The following ERGIC2 variants were observed in gnomAD, a reference collection of about 807,000 sequenced individuals.
The protein encoded by ERGIC2 is endoplasmic reticulum-Golgi intermediate compartment protein 2.
In ERGIC2, 31 loss-of-function variants were observed where a neutral mutation model predicts 52.5. The observed-to-expected ratio is 0.59, with a 90% CI of 0.44 to 0.80. The LOEUF is 0.80. Among genes scored for constraint, ERGIC2 ranks in the 30% least tolerant of loss-of-function variants. The pLI is 0.00. For missense variants in ERGIC2, 395 were observed against 455.2 expected, an observed-to-expected ratio of 0.87 and a Z score of 1.20; for synonymous variants, 129 against 140.6, an observed-to-expected ratio of 0.92 and a Z score of 0.58.
intron 6 of ERGIC2, 137 bp downstream of exon 6, chr12:29,361,508 A>G: frequency 1.9e-6 from 1 of 515,866 alleles, no homozygotes; most frequent in Non-Finnish European, 3.3e-6. Context: ...AATTGTAAGG[A>G]TTATATTATA....
At chr12:29,363,211 T>G (rs1445032056) in intron 5 of ERGIC2, among the ~76,000 whole-genome samples, 1 of 152,146 alleles carries the variant, frequency 6.6e-6, no homozygotes, top group African/African-American at 2.4e-5. Context: ...TTTCCCACCT[T>G]TTAAAAATTC....
In ERGIC2 at chr12:29,340,726, A is replaced by C. The variant is rs1199466955; in HGVS notation, c.*430T>G. Reference sequence around the variant, plus strand: ...TAGACTAGTTTTCCGTATGTTTTCCACATTTTATTCTGACATCATATCTTT... The same window carrying C: ...TAGACTAGTTTTCCGTATGTTTTCCCCATTTTATTCTGACATCATATCTTT... On this transcript the variant is annotated 3_prime_UTR_variant, in exon 14 of 14. Coordinates refer to ENST00000360150, the MANE Select transcript of ERGIC2 (RefSeq NM_016570.3). 1 of 375,868 alleles carries C rather than the reference A, an allele frequency of 2.7e-6. No homozygotes were observed. Among genetic ancestry groups the C allele is most frequent in the Non-Finnish European group, 5.0e-6 (1 of 198,866 alleles). The allele number at this position is 375,868 out of a possible 1,614,324, so 23.3% of individuals were successfully genotyped here.
At chr12:29,361,609 A>G (rs568392949) in intron 6 of ERGIC2, 36 bp downstream of exon 6, 6 of 1,533,400 alleles carry the variant, frequency 3.9e-6, no homozygotes, top group South Asian at 3.7e-5. Context: ...TATGACTTAG[A>G]TTTCTATGGA....
intron 5 of ERGIC2, among the ~76,000 whole-genome samples, chr12:29,366,501 T>C (rs1940364223): frequency 1.3e-5 from 2 of 151,778 alleles, no homozygotes; most frequent in Admixed American, 6.6e-5. Context: ...AATTTGGTCA[T>C]AGTAGAATAC....
Position 29,357,737 on chromosome 12 carries a change from C to G in ERGIC2, c.375-13G>C. The G allele has an allele frequency of 6.8e-7, 1 of 1,481,162 alleles. No individual in the cohort carries two copies. Among genetic ancestry groups the G allele is most frequent in the Non-Finnish European group, 9.4e-7 (1 of 1,060,306 alleles). The allele number at this position is 1,481,162 out of a possible 1,614,324, so 91.8% of individuals were successfully genotyped here. A position where few individuals can be genotyped will look rare whatever the true frequency, so the allele number is the denominator to read the frequency against. On this transcript the variant is annotated splice_polypyrimidine_tract_variant and intron_variant, in intron 6 of 13. Coordinates refer to ENST00000360150, the MANE Select transcript of ERGIC2 (RefSeq NM_016570.3). Reference sequence around the variant, plus strand: ...CAGCTGCAGCATCCTAAATAAGAAGCAATAATTTAGAACTACAGAAAGGTA... The same window carrying G: ...CAGCTGCAGCATCCTAAATAAGAAGGAATAATTTAGAACTACAGAAAGGTA...
Position 29,357,769 on chromosome 12 carries a change from G to C in ERGIC2, c.375-45C>G, listed in dbSNP as rs1565539832. Reference sequence around the variant, plus strand: ...TTAGAACTACAGAAAGGTACACAAAGAGAGCTGACACTTATTCAAAAATGA... The same window carrying C: ...TTAGAACTACAGAAAGGTACACAAACAGAGCTGACACTTATTCAAAAATGA... On this transcript the variant is annotated intron_variant, in intron 6 of 13. Transcript: ENST00000360150. The C allele has an allele frequency of 3.9e-6, 4 of 1,030,360 alleles. No homozygotes were observed. In the East Asian group the frequency reaches 9.5e-5, roughly 25 times the overall value. 63.8% of individuals were successfully genotyped at this position (1,030,360 alleles called of 1,614,324 possible). A position where few individuals can be genotyped will look rare whatever the true frequency, so the allele number is the denominator to read the frequency against.
intron 1 of ERGIC2, among the ~76,000 whole-genome samples, chr12:29,374,727 G>C (rs117841418): frequency 1.6e-3 from 237 of 152,176 alleles, no homozygotes; most frequent in Non-Finnish European, 3.0e-3. Flanking sequence ...TCTTAAATCT[G>C]CCTGTCTTCT....
At chr12:29,363,624 T>C (rs1382488053) in intron 5 of ERGIC2, among the ~76,000 whole-genome samples, 3 of 152,008 alleles carry the variant, frequency 2.0e-5, no homozygotes, top group Non-Finnish European at 4.4e-5. Context: ...GCAGAAACTG[T>C]TTACAATGAA....
chr12:29,339,681 AACTTT>A lies in ERGIC2; in HGVS notation c.*1470_*1474del, dbSNP rs1451973071. 2.0e-5 allele frequency: 3 copies of A among 152,128 alleles called. No individual in the cohort carries two copies. Among genetic ancestry groups the A allele is most frequent in the African/African-American group, 7.2e-5 (3 of 41,434 alleles). The allele number at this position is 152,128 out of a possible 1,614,324, so 9.4% of individuals were successfully genotyped here. A position where few individuals can be genotyped will look rare whatever the true frequency, so the allele number is the denominator to read the frequency against. On this transcript the variant is annotated 3_prime_UTR_variant, in exon 14 of 14. Transcript: ENST00000360150. ...TTTCTGCAAAACGTCATTCTGCATA[AACTTT>A]ACTGCAAAACAGACCCATCACTATT...
chr12:29,341,116 T>C lies in ERGIC2; in HGVS notation c.*40A>G. 1 of 1,386,348 alleles carries C rather than the reference T, an allele frequency of 7.2e-7. No homozygotes were observed. Among genetic ancestry groups the C allele is most frequent in the Non-Finnish European group, 1.0e-6 (1 of 989,178 alleles). 85.9% of individuals were successfully genotyped at this position (1,386,348 alleles called of 1,614,324 possible). On this transcript the variant is annotated 3_prime_UTR_variant, in exon 14 of 14. Coordinates refer to ENST00000360150, the MANE Select transcript of ERGIC2 (RefSeq NM_016570.3). Reference sequence around the variant, plus strand: ...ATTTTATTATTAAAAAAAGGTTTTATGTCTCAGGCAAAAAGTTTTTCTCCT... The same window carrying C: ...ATTTTATTATTAAAAAAAGGTTTTACGTCTCAGGCAAAAAGTTTTTCTCCT...
At position 29,366,922 on chromosome 12, in the gene ERGIC2, T is replaced by C. The variant is rs757241767; in HGVS notation, c.288A>G (p.Leu96=). The change falls in exon 5 of 14, where the codon TTA becomes TTG. Residue 96 remains leucine, a synonymous_variant. Coordinates refer to ENST00000360150, the MANE Select transcript of ERGIC2 (RefSeq NM_016570.3). ...CQYVGADVLD[L]AETMVASADG... ...CTGCAGATGCAACCATTGTTTCTGC[T>C]AAATCCAATACATCCGCTCCAACAT... is the stretch of plus-strand genomic sequence containing the variant. 3.7e-6 allele frequency: 6 copies of C among 1,602,236 alleles called. No homozygotes were observed. In the East Asian group the frequency reaches 1.1e-4, roughly 30 times the overall value.
Position 29,349,053 on chromosome 12 carries a change from T to C in ERGIC2, c.727+26A>G, listed in dbSNP as rs1259270032. Reference sequence around the variant, plus strand: ...TAAGCAAAATTTTCTACATGTAAAATCCAACAATAATTATTAAATACTTAC... The same window carrying C: ...TAAGCAAAATTTTCTACATGTAAAACCCAACAATAATTATTAAATACTTAC... On this transcript the variant is annotated intron_variant, in intron 10 of 13. Coordinates refer to ENST00000360150, the MANE Select transcript of ERGIC2 (RefSeq NM_016570.3). The C allele has an allele frequency of 2.4e-6, 3 of 1,264,334 alleles. No homozygotes were observed. In the Admixed American group the frequency reaches 7.1e-5, roughly 30 times the overall value. The allele number at this position is 1,264,334 out of a possible 1,614,324, so 78.3% of individuals were successfully genotyped here.
intron 10 of ERGIC2, 36 bp from the exon 11 acceptor site, chr12:29,345,576 G>C (rs773075651): frequency 9.6e-7 from 1 of 1,046,860 alleles, no homozygotes; most frequent in South Asian, 1.3e-5. Context: ...CAATTCAGTA[G>C]CAACAAAACT....
rs1329749475 is a variant in ERGIC2, at chr12:29,341,832, A to C, written c.989-16T>G. The C allele has an allele frequency of 8.3e-7, 1 of 1,204,264 alleles. No homozygotes were observed. Among genetic ancestry groups the C allele is most frequent in the Non-Finnish European group, 1.2e-6 (1 of 809,772 alleles). 74.6% of individuals were successfully genotyped at this position (1,204,264 alleles called of 1,614,324 possible). A position where few individuals can be genotyped will look rare whatever the true frequency, so the allele number is the denominator to read the frequency against. On this transcript the variant is annotated splice_polypyrimidine_tract_variant and intron_variant, in intron 12 of 13. Coordinates refer to ENST00000360150, the MANE Select transcript of ERGIC2 (RefSeq NM_016570.3). The stretch of plus-strand genomic sequence containing the variant: ...TGTAACATGCCTGTAATAAACAATA[A>C]GTTTATGCTTTTAATTATTTCCTAA...
chr12:29,363,732 A>G (rs1940316811), intron 5 of ERGIC2, among the ~76,000 whole-genome samples: 1 of 152,012 alleles, frequency 6.6e-6, no homozygotes, highest in Non-Finnish European at 1.5e-5. Flanking sequence ...AACTACAAAG[A>G]TGAAAGAATG....
chr12:29,374,414 C>A (rs1940486623), intron 1 of ERGIC2, among the ~76,000 whole-genome samples: 2 of 152,160 alleles, frequency 1.3e-5, no homozygotes, highest in South Asian at 4.1e-4. Flanking sequence ...TAGGTCTCCC[C>A]CTTAACCTCC....
intron 13 of ERGIC2, 108 bp from the exon 14 acceptor site, chr12:29,341,326 A>C (rs2136846047): frequency 1.2e-6 from 1 of 825,510 alleles, no homozygotes; most frequent in East Asian, 2.7e-5. Flanking sequence ...AGTAACCAAA[A>C]GCTACTATTT....
At chr12:29,365,075 T>C (rs1371548832) in intron 5 of ERGIC2, among the ~76,000 whole-genome samples, 2 of 151,796 alleles carry the variant, frequency 1.3e-5, no homozygotes, top group East Asian at 1.9e-4. Flanking sequence ...GAACGTAGAG[T>C]ATTATTTAAC....
At chr12:29,354,055 A>G (rs934010958) in intron 8 of ERGIC2, among the ~76,000 whole-genome samples, 3 of 152,144 alleles carry the variant, frequency 2.0e-5, no homozygotes, top group African/African-American at 7.2e-5. Context: ...ATTGGGATTT[A>G]CTGGACAACA....
Sources: gnomAD v4.1 joint callset for allele counts (sites outside exome capture counted in the v4.1 genomes callset) on GRCh38, gnomAD v4.1.1 for gene constraint, MANE v1.5 for transcripts, NCBI Gene and HGNC (gene_info 2026-07-23, HGNC 2026-07-21) for gene names.